GBE1: variants seen among roughly 807,000 people sequenced by gnomAD.
The protein encoded by GBE1 is 1,4-alpha-glucan-branching enzyme.
A neutral mutation model predicts 88.8 loss-of-function variants in GBE1; 70 were observed. The ratio of observed to expected loss-of-function variants is 0.79; its 90% CI spans 0.65 to 0.96. GBE1 has a LOEUF of 0.96. Ranked by LOEUF, GBE1 falls within the 40% of genes least tolerant of loss-of-function variation. The pLI, the probability that GBE1 is intolerant of heterozygous loss-of-function variation, is 0.00. For synonymous variants in GBE1, 284 were observed against 300.1 expected (o/e 0.95, Z 0.56); for missense variants, 872 against 871.0 (o/e 1.00, Z -0.01).
chr3:81,551,900 C>T lies in GBE1; in HGVS notation c.1619-14805G>A, dbSNP rs189902669. Among the ~76,000 whole-genome samples the T allele has an allele frequency of 2.4e-3, 369 of 152,240 alleles. 10 individuals are homozygous for T. In the South Asian group the frequency reaches 0.031, roughly 13 times the overall value. On this transcript the variant is annotated intron_variant, in intron 12 of 15. Coordinates refer to ENST00000429644, the MANE Select transcript of GBE1 (RefSeq NM_000158.4). ...CCATGGTGACAAATATCCATACCCC[C>T]AATTCTAGAAGAGCTGAAAGGGGCC...
chr3:81,561,060 C>G (rs1293163689), intron 12 of GBE1, among the ~76,000 whole-genome samples: 1 of 151,856 alleles, frequency 6.6e-6, no homozygotes, highest in Admixed American at 6.6e-5. Context: ...GCAATTTTTG[C>G]TGTATTACAA....
At chr3:81,692,722 T>C (rs1427710272) in intron 2 of GBE1, among the ~76,000 whole-genome samples, 2 of 152,224 alleles carry the variant, frequency 1.3e-5, no homozygotes, top group Admixed American at 1.3e-4. Flanking sequence ...AGGCAAGTAC[T>C]GAATACAAGT....
intron 1 of GBE1, among the ~76,000 whole-genome samples, chr3:81,756,787 G>T (rs1706608999): frequency 6.6e-6 from 1 of 152,130 alleles, no homozygotes; most frequent in Admixed American, 6.6e-5. Flanking sequence ...ATGTACAAAA[G>T]CACAGCTTCA....
rs1706214896 is a variant in GBE1, at chr3:81,733,416, G to A, written c.144-27803C>T. 6.6e-6 allele frequency among the ~76,000 whole-genome samples: 1 copy of A among 152,104 alleles called. No homozygotes were observed. Among genetic ancestry groups the A allele is most frequent in the Non-Finnish European group, 1.5e-5 (1 of 68,002 alleles). On this transcript the variant is annotated intron_variant, in intron 1 of 15. Coordinates refer to ENST00000429644, the MANE Select transcript of GBE1 (RefSeq NM_000158.4). This position sits in a 1 kb window ranked among gnomAD's most constrained non-coding sequence, Gnocchi z 4.0. ...TAGAAATAAAGTGCACAAAAAAAAT[G>A]TAATGCACTTGAATCATCCCAAAAC... is the stretch of plus-strand genomic sequence containing the variant.
At position 81,499,171 on chromosome 3, in the gene GBE1, T is replaced by A; in HGVS notation, c.1991A>T (p.Asp664Val). 2 of 1,612,272 alleles carry A rather than the reference T, an allele frequency of 1.2e-6. No homozygotes were observed. The highest frequency in any genetic ancestry group is 1.7e-6 in the Non-Finnish European group (2 of 1,179,042). The change falls in exon 15 of 16, where the codon GAC (aspartate) becomes GTC (valine). Residue 664 changes from aspartate to valine, a missense_variant. By Grantham distance (152) the Asp-to-Val change is radical (BLOSUM62 -3). Coordinates refer to ENST00000429644, the MANE Select transcript of GBE1 (RefSeq NM_000158.4). ...CTCAGAAAAAAAGTCAGTGCTGTGGTCCAGTCTCTGATGCCCTCCATATTC... is the reference window on the plus strand; with the variant it reads ...CTCAGAAAAAAAGTCAGTGCTGTGGACCAGTCTCTGATGCCCTCCATATTC... Reference protein sequence around the residue: ...AAEYGGHQRLDHSTDFFSEAF... With the variant: ...AAEYGGHQRLVHSTDFFSEAF...
At chr3:81,641,902 CAT>C (rs1399266756) in intron 7 of GBE1, among the ~76,000 whole-genome samples, 1 of 148,846 alleles carries the variant, frequency 6.7e-6, no homozygotes, top group African/African-American at 2.5e-5. Context: ...AATACATACA[CAT>C]ATATAAAATA....
At chr3:81,731,085 A>ATACATCTTTAATTT (rs1214294867) in intron 1 of GBE1, among the ~76,000 whole-genome samples, 10 of 152,164 alleles carry the variant, frequency 6.6e-5, no homozygotes, top group Non-Finnish European at 1.5e-4. Context: ...AGGCTGTACC[A>ATACATCTTTAATTT]TACATCTTTA....
At chr3:81,701,594 T>C (rs1426866240) in intron 2 of GBE1, among the ~76,000 whole-genome samples, 1 of 152,024 alleles carries the variant, frequency 6.6e-6, no homozygotes, top group Non-Finnish European at 1.5e-5. Context: ...ATCTAGTTAG[T>C]ACCTAGAGCA....
intron 15 of GBE1, among the ~76,000 whole-genome samples, chr3:81,498,240 G>T (rs1702542817): frequency 1.3e-5 from 2 of 152,148 alleles, no homozygotes; most frequent in African/African-American, 4.8e-5. Flanking sequence ...ACTCTGAGAA[G>T]TGGGAAAACA....
intron 11 of GBE1, among the ~76,000 whole-genome samples, chr3:81,580,511 T>A (rs1324674698): frequency 6.6e-6 from 1 of 152,004 alleles, no homozygotes; most frequent in African/African-American, 2.4e-5. Flanking sequence ...CTATTTGGAA[T>A]GGGTAGGGAT....
At chr3:81,528,447 C>T (rs1239401201) in intron 14 of GBE1, among the ~76,000 whole-genome samples, 1 of 151,982 alleles carries the variant, frequency 6.6e-6, no homozygotes, top group Non-Finnish European at 1.5e-5. Context: ...GAGAACTTGC[C>T]TTTTGCAGCC....
At chr3:81,613,568 T>C (rs1465701231) in intron 7 of GBE1, among the ~76,000 whole-genome samples, 2 of 151,986 alleles carry the variant, frequency 1.3e-5, no homozygotes, top group Non-Finnish European at 2.9e-5. Context: ...ACTTAAACAA[T>C]GGGGTTATAG....
chr3:81,497,191 C>T (rs1702511470), intron 15 of GBE1, among the ~76,000 whole-genome samples: 1 of 152,188 alleles, frequency 6.6e-6, no homozygotes, highest in Non-Finnish European at 1.5e-5. Flanking sequence ...TCTTTACTCT[C>T]ACAAAATTGA....
intron 1 of GBE1, among the ~76,000 whole-genome samples, chr3:81,753,305 TA>T (rs1168333431): frequency 2.0e-5 from 3 of 152,180 alleles, no homozygotes; most frequent in Non-Finnish European, 4.4e-5. Context: ...GTGGTGAACA[TA>T]AACTGATGAG....
rs141412442 is a variant in GBE1, at chr3:81,549,934, T to C, written c.1619-12839A>G. Among the ~76,000 whole-genome samples the C allele has an allele frequency of 1.5e-3, 223 of 151,524 alleles. 6 individuals are homozygous for C. Among genetic ancestry groups the C allele is most frequent in the African/African-American group, 5.2e-3 (217 of 41,480 alleles). The stretch of plus-strand genomic sequence containing the variant: ...AGTCTCATCGGTTGTTTTTGAGTTT[T>C]TTCCTGCAATTTAGGCTGACCCTGC... On this transcript the variant is annotated intron_variant, in intron 12 of 15. Coordinates refer to ENST00000429644, the MANE Select transcript of GBE1 (RefSeq NM_000158.4).
intron 1 of GBE1, among the ~76,000 whole-genome samples, chr3:81,726,353 G>A (rs752676045): frequency 6.6e-6 from 1 of 152,114 alleles, no homozygotes; most frequent in Non-Finnish European, 1.5e-5. Flanking sequence ...GTGGTTTTGA[G>A]AATGTTGCTG....
chr3:81,719,864 T>C (rs1015129646), intron 1 of GBE1, among the ~76,000 whole-genome samples: 11 of 152,116 alleles, frequency 7.2e-5, no homozygotes, highest in African/African-American at 2.7e-4. Flanking sequence ...ATTGACACTT[T>C]GCATATCAAC....
chr3:81,596,697 C>T (rs1205034032), intron 7 of GBE1, among the ~76,000 whole-genome samples: 1 of 151,708 alleles, frequency 6.6e-6, no homozygotes, highest in Non-Finnish European at 1.5e-5. Flanking sequence ...TCACAGATAC[C>T]CAGACCTCAA....
At chr3:81,697,252 A>C (rs1047575722) in intron 2 of GBE1, among the ~76,000 whole-genome samples, 3 of 152,142 alleles carry the variant, frequency 2.0e-5, no homozygotes, top group Non-Finnish European at 4.4e-5. Flanking sequence ...CAAAGGATAC[A>C]GACAAAGACA....
Sources: gnomAD v4.1 joint callset for allele counts (sites outside exome capture counted in the v4.1 genomes callset) on GRCh38, gnomAD v4.1.1 for gene constraint, Gnocchi (gnomAD v3.1) non-coding constraint, MANE v1.5 for transcripts, NCBI Gene and HGNC (gene_info 2026-07-23, HGNC 2026-07-21) for gene names.